Variants in DLGAP1 observed in about 807,000 individuals in gnomAD.
DLGAP1 encodes disks large-associated protein 1.
A neutral mutation model predicts 90.8 loss-of-function variants in DLGAP1; 11 were observed. The observed-to-expected ratio is 0.12, with a 90% CI of 0.08 to 0.20. The LOEUF is 0.20. DLGAP1 is among the 10% of genes least tolerant of loss of function. DLGAP1 has a pLI of 1.00. For synonymous variants in DLGAP1, 558 were observed against 540.7 expected, an observed-to-expected ratio of 1.03 and a Z score of -0.44; for missense variants, 1,050 against 1,333.8, an observed-to-expected ratio of 0.79 and a Z score of 3.31.
At chr18:4,296,782 C>T (rs191563953) in intron 1 of DLGAP1, among the ~76,000 whole-genome samples, 3 of 152,248 alleles carry the variant, frequency 2.0e-5, no homozygotes, top group Non-Finnish European at 4.4e-5. Context: ...CCATCAGAAC[C>T]CATATTTTCC....
intron 1 of DLGAP1, among the ~76,000 whole-genome samples, chr18:4,253,385 T>G (rs1008750544): frequency 2.6e-5 from 4 of 152,196 alleles, no homozygotes; most frequent in African/African-American, 9.7e-5. Context: ...ACAACAGAGA[T>G]ATTTCTTAGA....
At chr18:3,645,358 G>T (rs1231469938) in intron 7 of DLGAP1, among the ~76,000 whole-genome samples, 1 of 145,600 alleles carries the variant, frequency 6.9e-6, no homozygotes, top group Non-Finnish European at 1.5e-5. Flanking sequence ...TTTTAATACA[G>T]AAAATGAAAA....
intron 1 of DLGAP1, among the ~76,000 whole-genome samples, chr18:4,285,210 CT>C: frequency 6.6e-6 from 1 of 152,226 alleles, no homozygotes; most frequent in South Asian, 2.1e-4. Context: ...CTTATTAATG[CT>C]TTTTATGCAA....
intron 1 of DLGAP1, among the ~76,000 whole-genome samples, chr18:4,164,925 T>C (rs925789459): frequency 1.3e-5 from 2 of 152,150 alleles, no homozygotes; most frequent in African/African-American, 2.4e-5. Context: ...AACCTAAGGA[T>C]AGATGAATTG....
rs1326954925 is a variant in DLGAP1 at position 3,880,083 on chromosome 18, A to T, written c.-15T>A. ...AGCCCTTTCATGGCGGACCGGAAGC[A>T]GCCGCCAGGGTCATGGACACCCGGA... is the stretch of plus-strand genomic sequence containing the variant. On this transcript the variant is annotated 5_prime_UTR_variant, in exon 4 of 13. Coordinates refer to ENST00000315677, the MANE Select transcript of DLGAP1 (RefSeq NM_004746.4). The T allele has an allele frequency of 6.3e-7, 1 of 1,596,052 alleles. No homozygotes were observed. The highest frequency in any genetic ancestry group is 8.5e-7 in the Non-Finnish European group (1 of 1,178,456).
chr18:4,265,103 T>TCTCCTTCCTTCCTTCCTTCC (rs2079078044), intron 1 of DLGAP1, among the ~76,000 whole-genome samples: 1 of 139,606 alleles, frequency 7.2e-6, no homozygotes, highest in Non-Finnish European at 1.6e-5. Context: ...TAATGTAATT[T>TCTCCTTCCTTCCTTCCTTCC]TTCCTTCCTT....
intron 9 of DLGAP1, among the ~76,000 whole-genome samples, chr18:3,560,972 ATAAT>A (rs2054055749): frequency 6.6e-6 from 1 of 150,952 alleles, no homozygotes; most frequent in South Asian, 2.1e-4. Context: ...GTACTTTGTA[ATAAT>A]TAAATATTTC....
chr18:3,562,415 G>T (rs1273647442), intron 9 of DLGAP1, among the ~76,000 whole-genome samples: 1 of 152,000 alleles, frequency 6.6e-6, no homozygotes, highest in Non-Finnish European at 1.5e-5. Context: ...GGAGGAACCT[G>T]GCAGGAGGTG....
chr18:4,127,831 G>T (rs1420230898), intron 2 of DLGAP1, among the ~76,000 whole-genome samples: 1 of 151,982 alleles, frequency 6.6e-6, no homozygotes, highest in Admixed American at 6.6e-5. Context: ...GTAATTTCTT[G>T]GCTTATTCAA....
intron 4 of DLGAP1, among the ~76,000 whole-genome samples, chr18:3,832,578 A>C (rs2068087383): frequency 6.6e-6 from 1 of 152,166 alleles, no homozygotes; most frequent in Non-Finnish European, 1.5e-5. Context: ...TCATTTGACA[A>C]AGGAATCATG....
chr18:3,879,065 C>T lies in DLGAP1; in HGVS notation c.957+47G>A. The T allele has an allele frequency of 1.4e-6, 2 of 1,410,806 alleles. No homozygotes were observed. The highest frequency in any genetic ancestry group is 3.3e-5 in the South Asian group (2 of 61,482). The allele number at this position is 1,410,806 out of a possible 1,614,324, so 87.4% of individuals were successfully genotyped here. On this transcript the variant is annotated intron_variant, in intron 4 of 12. Transcript: ENST00000315677. This position sits in a 1 kb window ranked among gnomAD's most constrained non-coding sequence, Gnocchi z 6.6. Reference sequence around the variant, plus strand: ...GAACCAGGAGAAATGCCCACACAAGCATGCCAGGTACTACTTCTAAGCCTC... The same window carrying T: ...GAACCAGGAGAAATGCCCACACAAGTATGCCAGGTACTACTTCTAAGCCTC...
intron 2 of DLGAP1, among the ~76,000 whole-genome samples, chr18:4,099,235 T>C (rs576793829): frequency 1.1e-3 from 157 of 142,798 alleles, no homozygotes; most frequent in African/African-American, 3.9e-3. Context: ...AACTTGAAAA[T>C]AGATCTGTCT....
intron 3 of DLGAP1, among the ~76,000 whole-genome samples, chr18:3,915,626 C>G (rs1432065702): frequency 6.6e-6 from 1 of 152,132 alleles, no homozygotes; most frequent in Non-Finnish European, 1.5e-5. Context: ...ATCTTTGCAT[C>G]TTAAAAATAA....
intron 1 of DLGAP1, among the ~76,000 whole-genome samples, chr18:4,281,447 G>A (rs781364087): frequency 2.6e-5 from 4 of 152,058 alleles, no homozygotes; most frequent in South Asian, 2.1e-4. Context: ...TCAGCTACTC[G>A]GGAGGCTGAG....
chr18:4,137,111 TCA>T (rs1403305318), intron 2 of DLGAP1, among the ~76,000 whole-genome samples: 2 of 152,150 alleles, frequency 1.3e-5, no homozygotes, highest in Non-Finnish European at 2.9e-5. Context: ...CCATGTGTTC[TCA>T]TTGTTGAATT....
At chr18:3,947,818 C>T (rs936281062) in intron 3 of DLGAP1, among the ~76,000 whole-genome samples, 2 of 151,402 alleles carry the variant, frequency 1.3e-5, no homozygotes, top group Admixed American at 1.3e-4. Flanking sequence ...CTCAGAGATC[C>T]TTTTATATTA....
At chr18:3,772,260 TTCTC>T (rs201156470) in intron 5 of DLGAP1, among the ~76,000 whole-genome samples, 21 of 150,554 alleles carry the variant, frequency 1.4e-4, no homozygotes, top group Admixed American at 1.1e-3. Flanking sequence ...CTTCCTTTCT[TTCTC>T]TCTTTCCTTC....
intron 7 of DLGAP1, among the ~76,000 whole-genome samples, chr18:3,627,186 C>T (rs549561669): frequency 3.3e-5 from 5 of 152,044 alleles, no homozygotes; most frequent in South Asian, 2.1e-4. Context: ...GTGATCTTCC[C>T]GCCTTGGCCT....
At chr18:4,008,960 G>C (rs2149090800) in intron 2 of DLGAP1, among the ~76,000 whole-genome samples, 1 of 152,140 alleles carries the variant, frequency 6.6e-6, no homozygotes, top group East Asian at 1.9e-4. Flanking sequence ...CTGGAGTGCG[G>C]TGGCGCGATC....
Sources: gnomAD v4.1 joint callset for allele counts (sites outside exome capture counted in the v4.1 genomes callset) on GRCh38, gnomAD v4.1.1 for gene constraint, Gnocchi (gnomAD v3.1) non-coding constraint, MANE v1.5 for transcripts, NCBI Gene and HGNC (gene_info 2026-07-23, HGNC 2026-07-21) for gene names.